Variants in GAP43 observed in about 807,000 individuals in gnomAD.
GAP43 encodes the protein neuromodulin.
Under a neutral mutation model 18.6 loss-of-function variants are expected in GAP43, and 6 were observed. The ratio of observed to expected loss-of-function variants is 0.32; its 90% confidence interval spans 0.18 to 0.64. GAP43 has a LOEUF of 0.64. Among genes scored for constraint, GAP43 ranks in the 30% least tolerant of loss-of-function variants. The pLI is 0.78. For missense variants in GAP43, 292 were observed against 295.5 expected, an observed-to-expected ratio of 0.99 and a Z score of 0.09; for synonymous variants, 115 against 111.4, an observed-to-expected ratio of 1.03 and a Z score of -0.20.
chr3:115,669,450 A>G (rs1475832971), intron 1 of GAP43, among the ~76,000 whole-genome samples: 1 of 152,246 alleles, frequency 6.6e-6, no homozygotes, highest in Non-Finnish European at 1.5e-5. Context: ...TTGAGCATCT[A>G]CTTTGTGCCA....
In GAP43 at chr3:115,675,462, G is replaced by A. The variant is rs550572400; in HGVS notation, c.31-551G>A. ...ACATTGAGCCGGGGAAAGAAAATAC[G>A]TAGAAAATAATGCCAGTGGCCAGAT... On this transcript the variant is annotated intron_variant, in intron 1 of 2. Coordinates refer to ENST00000305124, the MANE Select transcript of GAP43 (RefSeq NM_002045.4). 4.6e-5 allele frequency among the ~76,000 whole-genome samples: 7 copies of A among 152,218 alleles called. No individual in the cohort carries two copies. The South Asian group carries it at 8.3e-4, about 18-fold the overall frequency.
rs548137786 is a variant in GAP43 at position 115,623,556 on chromosome 3, G to C, written c.-134G>C. 56 of 1,097,024 alleles carry C rather than the reference G, an allele frequency of 5.1e-5. No homozygotes were observed. The Admixed American group carries it at 7.7e-4, about 15-fold the overall frequency. The allele number at this position is 1,097,024 out of a possible 1,614,324, so 68.0% of individuals were successfully genotyped here. A position where few individuals can be genotyped will look rare whatever the true frequency, so the allele number is the denominator to read the frequency against. ...GGTGTGTGTGAGGGAGAGAGAGGGA[G>C]GGAGGGAGAGAGAGCGCGCTAGCGC... On this transcript the variant is annotated 5_prime_UTR_variant, in exon 1 of 3. Coordinates refer to ENST00000305124, the MANE Select transcript of GAP43 (RefSeq NM_002045.4).
At chr3:115,699,884 T>A (rs1158183311) in intron 2 of GAP43, among the ~76,000 whole-genome samples, 2 of 152,152 alleles carry the variant, frequency 1.3e-5, no homozygotes, top group Non-Finnish European at 2.9e-5. Flanking sequence ...TGAGGTAAAA[T>A]TTTTTTCACA....
rs1443012648 is a variant in GAP43 at position 115,643,823 on chromosome 3, T to A, written c.30+20104T>A. Among the ~76,000 whole-genome samples, 3 of 152,082 alleles carry A rather than the reference T, an allele frequency of 2.0e-5. No individual in the cohort carries two copies. The East Asian group carries it at 5.8e-4, about 29-fold the overall frequency. The stretch of plus-strand genomic sequence containing the variant: ...TACGTAAACTCCATGAGGGCTCCGT[T>A]ACTCTTTTGGTGACTTATATTTCCT... On this transcript the variant is annotated intron_variant, in intron 1 of 2. Transcript: ENST00000305124.
Position 115,676,018 on chromosome 3 carries a change from A to G in GAP43, c.36A>G (p.Glu12=), listed in dbSNP as rs1708878450. Residue 12 remains glutamate (E), a synonymous_variant, in exon 2 of 3, where the codon GAA becomes GAG. Transcript: ENST00000305124. Reference sequence around the variant, plus strand: ...CCCTTCTTTTCTCGACAAAGGTTGAAAAAAATGATGACGACCAAAAGATTG... The same window carrying G: ...CCCTTCTTTTCTCGACAAAGGTTGAGAAAAATGATGACGACCAAAAGATTG... ...LCCMRRTKQV[E]KNDDDQKIEQ... 1.3e-6 allele frequency: 2 copies of G among 1,595,634 alleles called. No homozygotes were observed. The highest frequency in any genetic ancestry group is 1.7e-6 in the Non-Finnish European group (2 of 1,172,552).
chr3:115,709,148 T>C (rs1289898386), intron 2 of GAP43, among the ~76,000 whole-genome samples: 1 of 152,132 alleles, frequency 6.6e-6, no homozygotes, highest in East Asian at 1.9e-4. Flanking sequence ...CTGCCTTTTA[T>C]TTTGATTAGT....
intron 1 of GAP43, among the ~76,000 whole-genome samples, chr3:115,642,004 T>C (rs1052118947): frequency 1.3e-5 from 2 of 152,140 alleles, no homozygotes; most frequent in African/African-American, 2.4e-5. Flanking sequence ...CAGTCCTTCA[T>C]GGTGCAGATG....
At position 115,721,159 on chromosome 3, in the gene GAP43, T is replaced by C. The variant is rs1197377596; in HGVS notation, c.*277T>C. On this transcript the variant is annotated 3_prime_UTR_variant, in exon 3 of 3. Coordinates refer to ENST00000305124, the MANE Select transcript of GAP43 (RefSeq NM_002045.4). ...TTTTGGTAATGATGATTCAATCATT[T>C]TGGGAAATTCTTGCACTGTATCCAA... 4.3e-6 allele frequency: 1 copy of C among 231,382 alleles called. No individual in the cohort carries two copies. The highest frequency in any genetic ancestry group is 2.3e-5 in the African/African-American group (1 of 43,942). The allele number at this position is 231,382 out of a possible 1,614,324, so 14.3% of individuals were successfully genotyped here.
intron 2 of GAP43, among the ~76,000 whole-genome samples, chr3:115,690,736 T>C (rs1368118967): frequency 4.7e-5 from 7 of 147,778 alleles, no homozygotes; most frequent in Non-Finnish European, 7.5e-5. Context: ...GGGCAAATCT[T>C]TTTTTTTTTT....
chr3:115,628,937 G>C (rs1708226017), intron 1 of GAP43, among the ~76,000 whole-genome samples: 1 of 152,194 alleles, frequency 6.6e-6, no homozygotes, highest in African/African-American at 2.4e-5. Context: ...TCAGAGACAA[G>C]TTTGTTAGGT....
chr3:115,670,086 G>A (rs1168251165), intron 1 of GAP43, among the ~76,000 whole-genome samples: 12 of 132,692 alleles, frequency 9.0e-5, no homozygotes, highest in African/African-American at 3.5e-4. Flanking sequence ...ATGCTGGTGC[G>A]CTGCACCCAC....
At chr3:115,626,063 G>T (rs1359036264) in intron 1 of GAP43, among the ~76,000 whole-genome samples, 3 of 152,174 alleles carry the variant, frequency 2.0e-5, no homozygotes, top group African/African-American at 7.2e-5. Flanking sequence ...TAAAGGAAAT[G>T]GTGTATTCAG....
chr3:115,668,259 G>A (rs978205510), intron 1 of GAP43, among the ~76,000 whole-genome samples: 2 of 152,060 alleles, frequency 1.3e-5, no homozygotes, highest in African/African-American at 2.4e-5. Context: ...CGCAACACTG[G>A]GCTCTTCCAA....
chr3:115,663,150 C>A (rs1186135574), intron 1 of GAP43, among the ~76,000 whole-genome samples: 12 of 152,162 alleles, frequency 7.9e-5, no homozygotes, highest in Admixed American at 7.9e-4. Context: ...ATGATACTTT[C>A]TGAGTATCAT....
intron 2 of GAP43, among the ~76,000 whole-genome samples, chr3:115,688,260 C>G (rs1489283036): frequency 6.6e-6 from 1 of 152,074 alleles, no homozygotes; most frequent in Admixed American, 6.5e-5. Context: ...CTCAAGTGAT[C>G]CACCCACCTC....
intron 2 of GAP43, among the ~76,000 whole-genome samples, chr3:115,711,781 A>C (rs756937809): frequency 7.3e-6 from 1 of 136,990 alleles, no homozygotes; most frequent in Non-Finnish European, 1.6e-5. Context: ...AGCTGGGAGC[A>C]GGGATGAGGG....
intron 2 of GAP43, among the ~76,000 whole-genome samples, chr3:115,698,370 G>C (rs1709252586): frequency 8.6e-6 from 1 of 116,694 alleles, no homozygotes; most frequent in Non-Finnish European, 1.7e-5. Context: ...CAAGGATTAA[G>C]TCTCATATCA....
intron 1 of GAP43, among the ~76,000 whole-genome samples, chr3:115,662,374 C>T (rs1175701707): frequency 6.6e-6 from 1 of 152,098 alleles, no homozygotes; most frequent in Non-Finnish European, 1.5e-5. Flanking sequence ...TACTCATTTA[C>T]CAGAGGCTGC....
chr3:115,660,471 TACAG>T (rs1304733023), intron 1 of GAP43, among the ~76,000 whole-genome samples: 3 of 152,330 alleles, frequency 2.0e-5, no homozygotes, highest in African/African-American at 7.2e-5. Flanking sequence ...TCCCTTAATG[TACAG>T]ACAAAGAAAC....
Sources: gnomAD v4.1 joint callset for allele counts (sites outside exome capture counted in the v4.1 genomes callset) on GRCh38, gnomAD v4.1.1 for gene constraint, MANE v1.5 for transcripts, NCBI Gene and HGNC (gene_info 2026-07-23, HGNC 2026-07-21) for gene names.